The following CAMKMT variants were observed in gnomAD, a reference collection of about 807,000 sequenced individuals.
The protein encoded by CAMKMT is calmodulin-lysine N-methyltransferase.
CAMKMT carries 53 observed loss-of-function variants against 48.0 expected under a neutral mutation model. The ratio of observed to expected loss-of-function variants is 1.10; its 90% CI spans 0.89 to 1.39. The LOEUF is 1.39. Ranked by LOEUF, CAMKMT falls within the 40% of genes most tolerant of loss-of-function variation. The pLI, the probability that CAMKMT is intolerant of heterozygous loss-of-function variation, is 0.00. For missense variants in CAMKMT, 428 were observed against 402.7 expected, an observed-to-expected ratio of 1.06 and a Z score of -0.54; for synonymous variants, 165 against 152.3, an observed-to-expected ratio of 1.08 and a Z score of -0.61.
Position 44,362,004 on chromosome 2 carries a change from T to A in CAMKMT, c.-4T>A. On this transcript the variant is annotated 5_prime_UTR_variant, in exon 1 of 11. Coordinates refer to ENST00000378494, the MANE Select transcript of CAMKMT (RefSeq NM_024766.5). ...CACCTCCGGGTGTGGAAGGCTCCAG[T>A]GAGATGGAGTCGCGAGTCGCGGACG... The A allele has an allele frequency of 1.4e-6, 2 of 1,402,822 alleles. No homozygotes were observed. The highest frequency in any genetic ancestry group is 3.8e-5 in the Admixed American group (1 of 26,502). 86.9% of individuals were successfully genotyped at this position (1,402,822 alleles called of 1,614,324 possible).
chr2:44,496,338 C>T (rs565304697), intron 3 of CAMKMT, among the ~76,000 whole-genome samples: 1 of 152,278 alleles, frequency 6.6e-6, no homozygotes, highest in Non-Finnish European at 1.5e-5. Flanking sequence ...AGAAGAACAG[C>T]TGTTGTCTAG....
chr2:44,408,885 G>A (rs2104468713), intron 3 of CAMKMT, among the ~76,000 whole-genome samples: 1 of 151,692 alleles, frequency 6.6e-6, no homozygotes, highest in African/African-American at 2.4e-5. Context: ...GGGACTACAG[G>A]TGCACACCAC....
chr2:44,588,070 G>A (rs1383207903), intron 3 of CAMKMT, among the ~76,000 whole-genome samples: 5 of 140,606 alleles, frequency 3.6e-5, no homozygotes, highest in Non-Finnish European at 7.8e-5. Context: ...CTGAGATGTG[G>A]GGAGCGCCTC....
Position 44,618,461 on chromosome 2 carries a change from G to C in CAMKMT, c.377-85822G>C, listed in dbSNP as rs757730681. On this transcript the variant is annotated intron_variant, in intron 3 of 10. Coordinates refer to ENST00000378494, the MANE Select transcript of CAMKMT (RefSeq NM_024766.5). This position sits in a 1 kb window ranked among gnomAD's most constrained non-coding sequence, Gnocchi z 4.0. ...GTAGACAAGAAGGGTGGCACTTGGG[G>C]ACCTTTTTGCTTTAGGTCGAAGGCT... Among the ~76,000 whole-genome samples, 15 of 152,176 alleles carry C rather than the reference G, an allele frequency of 9.9e-5. No homozygotes were observed. Among genetic ancestry groups the C allele is most frequent in the Non-Finnish European group, 1.8e-4 (12 of 68,038 alleles).
intron 3 of CAMKMT, among the ~76,000 whole-genome samples, chr2:44,683,175 G>A (rs947065895): frequency 2.6e-5 from 4 of 151,692 alleles, no homozygotes; most frequent in Admixed American, 2.6e-4. Context: ...ATGGAAAGGA[G>A]GCAGGGTTTC....
intron 3 of CAMKMT, among the ~76,000 whole-genome samples, chr2:44,577,049 C>G (rs1203465854): frequency 6.6e-6 from 1 of 152,184 alleles, no homozygotes; most frequent in East Asian, 1.9e-4. Flanking sequence ...TCTGCACTAT[C>G]TTCTGTAAGC....
At chr2:44,521,283 A>G (rs780619691) in intron 3 of CAMKMT, among the ~76,000 whole-genome samples, 2 of 151,858 alleles carry the variant, frequency 1.3e-5, no homozygotes, top group Non-Finnish European at 1.5e-5. Flanking sequence ...TATTATCCCA[A>G]TATTTTTTTT....
Position 44,479,168 on chromosome 2 carries a change from T to C in CAMKMT, c.376+88863T>C, listed in dbSNP as rs574725994. 1.3e-3 allele frequency among the ~76,000 whole-genome samples: 194 copies of C among 152,338 alleles called. 1 individual carries two copies. The highest frequency in any genetic ancestry group is 4.6e-3 in the African/African-American group (192 of 41,566). On this transcript the variant is annotated intron_variant, in intron 3 of 10. Transcript: ENST00000378494. ...AGAAACTGGCATCTTTATAGTTACT[T>C]TATATTACAGAGTGTAATAAATTCT...
chr2:44,415,568 C>A (rs1683497210), intron 3 of CAMKMT, among the ~76,000 whole-genome samples: 1 of 152,178 alleles, frequency 6.6e-6, no homozygotes, highest in East Asian at 1.9e-4. Flanking sequence ...TTAAGTTGGT[C>A]ACTTTGCATT....
intron 8 of CAMKMT, among the ~76,000 whole-genome samples, chr2:44,748,772 G>A (rs1160953790): frequency 6.6e-6 from 1 of 152,108 alleles, no homozygotes; most frequent in Admixed American, 6.5e-5. Context: ...AGCTACTCGG[G>A]AGACTGAGGC....
intron 3 of CAMKMT, among the ~76,000 whole-genome samples, chr2:44,404,781 C>G (rs138490062): frequency 6.6e-6 from 1 of 151,900 alleles, no homozygotes; most frequent in Non-Finnish European, 1.5e-5. Flanking sequence ...TTCCTAGTTT[C>G]TTTTTCTACT....
intron 3 of CAMKMT, among the ~76,000 whole-genome samples, chr2:44,483,236 A>G (rs897717698): frequency 2.0e-5 from 3 of 152,176 alleles, no homozygotes; most frequent in Non-Finnish European, 4.4e-5. Context: ...CTGCCTTAAC[A>G]TTTAAAGTCA....
chr2:44,704,314 C>A lies in CAMKMT; in HGVS notation c.408C>A (p.Tyr136Ter), dbSNP rs1677422049. 6.2e-7 allele frequency: 1 copy of A among 1,610,400 alleles called. No individual in the cohort carries two copies. The highest frequency in any genetic ancestry group is 1.3e-5 in the African/African-American group (1 of 74,796). The change falls in exon 4 of 11, where the codon TAC becomes TAA. Residue 136 changes from tyrosine to a stop codon, truncating the protein, a stop_gained. Coordinates refer to ENST00000378494, the MANE Select transcript of CAMKMT (RefSeq NM_024766.5). LOFTEE classifies it high-confidence loss of function. ...GGCCATCTGAAGAGGTTTTGGCTTA[C>A]TACTGCCTCAAGCACAATAATATAT... ...CIWPSEEVLA[Y>*]YCLKHNNIFR...
chr2:44,559,634 G>A (rs1001385841), intron 3 of CAMKMT, among the ~76,000 whole-genome samples: 1 of 151,988 alleles, frequency 6.6e-6, no homozygotes, highest in African/African-American at 2.4e-5. Context: ...CTTACACAGG[G>A]TCTAGTTGAG....
chr2:44,410,137 T>TA (rs1255778032), intron 3 of CAMKMT, among the ~76,000 whole-genome samples: 2 of 146,170 alleles, frequency 1.4e-5, no homozygotes, highest in African/African-American at 5.3e-5. Context: ...AGCAGTTTCT[T>TA]ACCATGTACT....
intron 3 of CAMKMT, among the ~76,000 whole-genome samples, chr2:44,700,184 A>G (rs1249466884): frequency 6.6e-6 from 1 of 152,216 alleles, no homozygotes; most frequent in African/African-American, 2.4e-5. Flanking sequence ...GCCTTCATAG[A>G]ATTGAAGAGT....
chr2:44,519,279 T>G (rs1473911971), intron 3 of CAMKMT, among the ~76,000 whole-genome samples: 1 of 152,212 alleles, frequency 6.6e-6, no homozygotes. Context: ...ATACATGTGT[T>G]TATAAACAAA....
Position 44,490,621 on chromosome 2 carries a change from T to G in CAMKMT, c.376+100316T>G, listed in dbSNP as rs143252331. ...AAATCTCCACATATTTATCTTCATT[T>G]TGAAGTATTCTGGATTTCAAGTACT... On this transcript the variant is annotated intron_variant, in intron 3 of 10. Coordinates refer to ENST00000378494, the MANE Select transcript of CAMKMT (RefSeq NM_024766.5). Among the ~76,000 whole-genome samples the G allele has an allele frequency of 4.8e-4, 72 of 150,528 alleles. 1 individual carries two copies. In the East Asian group the frequency reaches 0.012, roughly 25 times the overall value.
intron 3 of CAMKMT, among the ~76,000 whole-genome samples, chr2:44,643,125 A>T (rs1363316277): frequency 1.3e-5 from 2 of 151,498 alleles, no homozygotes; most frequent in African/African-American, 2.4e-5. Context: ...TTTTTAAAAA[A>T]CTCCCAATTA....
Sources: gnomAD v4.1 joint callset for allele counts (sites outside exome capture counted in the v4.1 genomes callset) on GRCh38, gnomAD v4.1.1 for gene constraint, Gnocchi (gnomAD v3.1) non-coding constraint, MANE v1.5 for transcripts, NCBI Gene and HGNC (gene_info 2026-07-23, HGNC 2026-07-21) for gene names.